The following RYR2 variants were observed in gnomAD, a reference collection of about 807,000 sequenced individuals.
RYR2 encodes ryanodine receptor 2.
A neutral mutation model predicts 601.1 loss-of-function variants in RYR2; 227 were observed. The ratio of observed to expected loss-of-function variants is 0.38; its 90% CI spans 0.34 to 0.42. RYR2 has a LOEUF of 0.42. Among genes scored for constraint, RYR2 ranks in the 10% least tolerant of loss-of-function variants. The pLI is 1.00. For synonymous variants in RYR2, 2,223 were observed against 2,175.1 expected (o/e 1.02, Z -0.61); for missense variants, 4,646 against 6,156.5 (o/e 0.75, Z 8.21).
At chr1:237,780,955 T>C (rs1464819281) in intron 88 of RYR2, among the ~76,000 whole-genome samples, 1 of 152,216 alleles carries the variant, frequency 6.6e-6, no homozygotes, top group Non-Finnish European at 1.5e-5. Flanking sequence ...AGATGTCAAA[T>C]GTGCAGAAGG....
intron 1 of RYR2, among the ~76,000 whole-genome samples, chr1:237,165,786 G>A (rs1676641605): frequency 6.6e-6 from 1 of 152,080 alleles, no homozygotes; most frequent in African/African-American, 2.4e-5. Context: ...AGGATCACTT[G>A]AGCCCAGGAG....
At chr1:237,423,021 C>A in intron 11 of RYR2, 71 bp from the exon 12 acceptor site, 1 of 1,516,900 alleles carries the variant, frequency 6.6e-7, no homozygotes, top group Non-Finnish European at 8.9e-7. Flanking sequence ...CATTGTCCGA[C>A]ATATGTTTTA....
chr1:237,162,675 T>C (rs1169428758), intron 1 of RYR2, among the ~76,000 whole-genome samples: 2 of 152,118 alleles, frequency 1.3e-5, no homozygotes, highest in Non-Finnish European at 2.9e-5. Context: ...GTTTTTGGCA[T>C]ATTGATGATT....
intron 63 of RYR2, among the ~76,000 whole-genome samples, chr1:237,697,424 ATAATTATATAATATAT>A (rs1687576142): frequency 7.0e-6 from 1 of 142,644 alleles, no homozygotes; most frequent in Non-Finnish European, 1.5e-5. Context: ...TATATCATAT[ATAATTATATAATATAT>A]ATTTATGTAA....
At chr1:237,669,372 G>A (rs1573436934) in intron 58 of RYR2, among the ~76,000 whole-genome samples, 3 of 152,066 alleles carry the variant, frequency 2.0e-5, no homozygotes, top group African/African-American at 4.8e-5. Flanking sequence ...ATCATGGCCC[G>A]TTCTCAATGA....
At chr1:237,659,578 G>A (rs1223505947) in intron 54 of RYR2, among the ~76,000 whole-genome samples, 1 of 152,120 alleles carries the variant, frequency 6.6e-6, no homozygotes, top group Non-Finnish European at 1.5e-5. Flanking sequence ...CATAGGTGGG[G>A]TCCCAAGATG....
chr1:237,496,706 A>G lies in RYR2; in HGVS notation c.2157A>G (p.Gly719=), dbSNP rs761839191. 1 of 1,613,884 alleles carries G rather than the reference A, an allele frequency of 6.2e-7. No homozygotes were observed. The highest frequency in any genetic ancestry group is 8.5e-7 in the Non-Finnish European group (1 of 1,179,860). Residue 719 remains glycine (G), a synonymous_variant, in exon 20 of 105, where the codon GGA becomes GGG. Coordinates refer to ENST00000366574, the MANE Select transcript of RYR2 (RefSeq NM_001035.3). The stretch of plus-strand genomic sequence containing the variant: ...AAGAGTGGGGTGGAAATGGTGTTGG[A>G]GATGATCTCTTCTCCTATGGATTTG... ...GGEEWGGNGV[G]DDLFSYGFDG...
chr1:237,655,692 A>T (rs1683175350), intron 52 of RYR2, 129 bp from the exon 53 acceptor site: 9 of 768,552 alleles, frequency 1.2e-5, no homozygotes, highest in Non-Finnish European at 1.8e-5. Context: ...TGGAAAAAGA[A>T]TGATCAGAGA....
chr1:237,048,313 AT>A (rs1205365475), intron 1 of RYR2, among the ~76,000 whole-genome samples: 4 of 152,064 alleles, frequency 2.6e-5, no homozygotes, highest in Non-Finnish European at 5.9e-5. Context: ...TCTGCATCTA[AT>A]TTGTCATCAT....
intron 1 of RYR2, among the ~76,000 whole-genome samples, chr1:237,183,371 G>T (rs554306368): frequency 1.3e-5 from 2 of 152,254 alleles, no homozygotes; most frequent in South Asian, 4.2e-4. Context: ...TTAGAAGGAG[G>T]CTGGCTTTCA....
intron 29 of RYR2, among the ~76,000 whole-genome samples, chr1:237,572,335 T>C (rs893324435): frequency 1.3e-5 from 2 of 152,184 alleles, no homozygotes; most frequent in Non-Finnish European, 2.9e-5. Context: ...AAAATTTAAA[T>C]GCATGTGTGA....
At chr1:237,619,847 T>C (rs1189004775) in intron 38 of RYR2, among the ~76,000 whole-genome samples, 1 of 152,152 alleles carries the variant, frequency 6.6e-6, no homozygotes, top group Non-Finnish European at 1.5e-5. Context: ...CAGAGTTCTA[T>C]GTACTTTGAA....
rs138271872 is a variant in RYR2, at chr1:237,176,383, A to G, written c.49-94114A>G. On this transcript the variant is annotated intron_variant, in intron 1 of 104. Transcript: ENST00000366574. ...AGAATTTTCTCAGATAATTTTGTCTAATTACAACTGACAGCACTTCCTAAT... is the reference window on the plus strand; with the variant it reads ...AGAATTTTCTCAGATAATTTTGTCTGATTACAACTGACAGCACTTCCTAAT... 2.2e-3 allele frequency among the ~76,000 whole-genome samples: 337 copies of G among 151,118 alleles called. 1 individual carries two copies. Among genetic ancestry groups the G allele is most frequent in the African/African-American group, 7.7e-3 (317 of 41,396 alleles).
intron 19 of RYR2, among the ~76,000 whole-genome samples, chr1:237,496,129 G>A (rs904956435): frequency 6.6e-6 from 1 of 152,196 alleles, no homozygotes; most frequent in South Asian, 2.1e-4. Context: ...ATGTGGCTGG[G>A]CACGGTGGCT....
At chr1:237,482,626 C>T (rs1466785565) in intron 17 of RYR2, among the ~76,000 whole-genome samples, 4 of 152,050 alleles carry the variant, frequency 2.6e-5, no homozygotes, top group Non-Finnish European at 5.9e-5. Context: ...AGGTTGCTTC[C>T]AAATCATTGC....
At chr1:237,514,171 AAT>A (rs1290441152) in intron 24 of RYR2, among the ~76,000 whole-genome samples, 4 of 152,310 alleles carry the variant, frequency 2.6e-5, no homozygotes, top group African/African-American at 7.2e-5. Context: ...TTTACAACAG[AAT>A]GTTTTATTGA....
At chr1:237,729,776 A>G (rs916394345) in intron 76 of RYR2, among the ~76,000 whole-genome samples, 1 of 152,098 alleles carries the variant, frequency 6.6e-6, no homozygotes, top group Non-Finnish European at 1.5e-5. Flanking sequence ...TTCACTTAAT[A>G]CCTTTTGTTT....
chr1:237,492,126 G>C (rs939803054), intron 18 of RYR2, among the ~76,000 whole-genome samples: 2 of 152,166 alleles, frequency 1.3e-5, no homozygotes, highest in Non-Finnish European at 2.9e-5. Context: ...TCCGCCTCTA[G>C]GGTTCAAGCA....
intron 1 of RYR2, among the ~76,000 whole-genome samples, chr1:237,135,883 T>A (rs577786268): frequency 2.6e-5 from 4 of 151,880 alleles, no homozygotes; most frequent in Non-Finnish European, 4.4e-5. Flanking sequence ...AGAGAAGAGG[T>A]GGTGTGTGCA....
Sources: allele counts gnomAD v4.1 joint callset (sites outside exome capture counted in the v4.1 genomes callset), GRCh38; gene constraint gnomAD v4.1.1; transcripts MANE v1.5; gene names NCBI Gene and HGNC (gene_info 2026-07-23, HGNC 2026-07-21).